RAB38: variants seen among roughly 807,000 people sequenced by gnomAD.
The protein encoded by RAB38 is RAB38, member RAS oncogene family.
RAB38 carries 15 observed loss-of-function variants against 18.4 expected under a neutral mutation model. The ratio of observed to expected loss-of-function variants is 0.82; its 90% CI spans 0.55 to 1.26. RAB38 has a LOEUF of 1.26. Among genes scored for constraint, RAB38 ranks in the 50% most tolerant of loss-of-function variants. The pLI is 0.00. For synonymous variants in RAB38, 101 were observed against 104.4 expected (o/e 0.97, Z 0.20); for missense variants, 294 against 267.4 (o/e 1.10, Z -0.69).
the RAB38 span, among the ~76,000 whole-genome samples, chr11:87,834,094 G>A: frequency 1.3e-5 from 2 of 152,160 alleles, no homozygotes; most frequent in African/African-American, 4.8e-5. Flanking sequence ...GTGGTTGTTG[G>A]AAAGCATATG....
chr11:87,961,850 T>C, the RAB38 span, among the ~76,000 whole-genome samples: 1 of 152,178 alleles, frequency 6.6e-6, no homozygotes, highest in Non-Finnish European at 1.5e-5. Context: ...ATTTATGTCA[T>C]ATTTATGCCT....
At chr11:87,955,165 ACACTCTTCCACATTGGTG>A in the RAB38 span, among the ~76,000 whole-genome samples, 59 of 105,242 alleles carry the variant, frequency 5.6e-4, no homozygotes, top group Admixed American at 1.3e-3. Context: ...ACATTGGCAC[ACACTCTTCCACATTGGTG>A]CACTCTTCCA....
At chr11:87,976,344 T>A in the RAB38 span, among the ~76,000 whole-genome samples, 1 of 143,036 alleles carries the variant, frequency 7.0e-6, no homozygotes, top group Non-Finnish European at 1.5e-5. Flanking sequence ...TAGGTATATA[T>A]ATAAAATATA....
chr11:87,872,393 C>T, the RAB38 span, among the ~76,000 whole-genome samples: 1 of 151,500 alleles, frequency 6.6e-6, no homozygotes, highest in Admixed American at 6.6e-5. Context: ...CCTCCCCCAC[C>T]ATCAACATCC....
At chr11:87,845,764 T>TA in the RAB38 span, among the ~76,000 whole-genome samples, 1 of 151,812 alleles carries the variant, frequency 6.6e-6, no homozygotes, top group African/African-American at 2.4e-5. Context: ...AATTCAAACA[T>TA]AAAAAAAGGT....
chr11:87,961,616 T>G, the RAB38 span, among the ~76,000 whole-genome samples: 1 of 152,170 alleles, frequency 6.6e-6, no homozygotes, highest in Non-Finnish European at 1.5e-5. Context: ...CCCTCCTTTT[T>G]ACATAAAAGC....
At chr11:88,080,731 C>A in the RAB38 span, among the ~76,000 whole-genome samples, 2 of 151,750 alleles carry the variant, frequency 1.3e-5, no homozygotes, top group African/African-American at 4.8e-5. Context: ...AAACTTAGCA[C>A]CTCGCCCCTG....
the RAB38 span, among the ~76,000 whole-genome samples, chr11:87,895,020 C>T: frequency 1.3e-5 from 2 of 151,526 alleles, no homozygotes; most frequent in Non-Finnish European, 3.0e-5. Context: ...TGCTGTTGTT[C>T]CAGTACCCTC....
intron 2 of RAB38, among the ~76,000 whole-genome samples, chr11:88,147,219 C>G (rs1269668568): frequency 6.6e-6 from 1 of 152,046 alleles, no homozygotes; most frequent in Non-Finnish European, 1.5e-5. Flanking sequence ...AAGGTTTTAT[C>G]TGTTTCATAA....
At chr11:88,096,571 C>G in the RAB38 span, among the ~76,000 whole-genome samples, 2 of 151,820 alleles carry the variant, frequency 1.3e-5, no homozygotes, top group Non-Finnish European at 2.9e-5. Context: ...GCTTTATACA[C>G]TGCTTTATCT....
the RAB38 span, among the ~76,000 whole-genome samples, chr11:87,922,605 C>T: frequency 2.6e-5 from 4 of 151,826 alleles, no homozygotes; most frequent in African/African-American, 4.8e-5. Flanking sequence ...TGGAGATTTT[C>T]CCTCTTAAAA....
At chr11:87,874,373 G>A in the RAB38 span, among the ~76,000 whole-genome samples, 4 of 151,206 alleles carry the variant, frequency 2.6e-5, no homozygotes, top group South Asian at 2.1e-4. Context: ...ATAAAGCACC[G>A]AAACAATTCA....
chr11:88,129,127 A>T (rs1378898608), intron 2 of RAB38, among the ~76,000 whole-genome samples: 1 of 152,204 alleles, frequency 6.6e-6, no homozygotes, highest in Non-Finnish European at 1.5e-5. Flanking sequence ...AAACTTACAC[A>T]TTACCCAACA....
the RAB38 span, among the ~76,000 whole-genome samples, chr11:88,105,156 A>ATACACCTTCCTCTAT: frequency 6.6e-6 from 1 of 152,144 alleles, no homozygotes; most frequent in East Asian, 1.9e-4. Context: ...ATAAATTAAT[A>ATACACCTTCCTCTAT]TACACCTTCC....
the RAB38 span, among the ~76,000 whole-genome samples, chr11:87,936,847 G>A: frequency 6.6e-6 from 1 of 151,924 alleles, no homozygotes; most frequent in Non-Finnish European, 1.5e-5. Context: ...CCTAAACTTG[G>A]TTATTATTTC....
chr11:87,964,304 G>A, the RAB38 span, among the ~76,000 whole-genome samples: 1 of 152,052 alleles, frequency 6.6e-6, no homozygotes, highest in South Asian at 2.1e-4. Context: ...GAACTCCAGT[G>A]TGATATTCTC....
chr11:88,041,055 C>A, the RAB38 span, among the ~76,000 whole-genome samples: 1 of 152,204 alleles, frequency 6.6e-6, no homozygotes, highest in African/African-American at 2.4e-5. Context: ...CCATTCATGT[C>A]TGTCCCTCCA....
chr11:88,172,228 G>A (rs1943318411), intron 1 of RAB38, among the ~76,000 whole-genome samples: 1 of 152,192 alleles, frequency 6.6e-6, no homozygotes, highest in African/African-American at 2.4e-5. Flanking sequence ...ACACACAGCT[G>A]ACCTTCTAGC....
chr11:87,887,550 T>C, the RAB38 span, among the ~76,000 whole-genome samples: 1 of 151,962 alleles, frequency 6.6e-6, no homozygotes, highest in Non-Finnish European at 1.5e-5. Flanking sequence ...GGGCAAATTA[T>C]TTAATGTCTT....
Sources: gnomAD v4.1 joint callset for allele counts (sites outside exome capture counted in the v4.1 genomes callset) on GRCh38, gnomAD v4.1.1 for gene constraint, MANE v1.5 for transcripts, NCBI Gene and HGNC (gene_info 2026-07-23, HGNC 2026-07-21) for gene names.